Variants in IAH1 observed in about 807,000 individuals in gnomAD.
The protein encoded by IAH1 is isoamyl acetate hydrolyzing esterase 1 (putative).
IAH1 carries 24 observed loss-of-function variants against 26.7 expected under a neutral mutation model. That is an observed-to-expected ratio of 0.90 (90% CI 0.65 to 1.26). The LOEUF (loss-of-function observed/expected upper bound fraction) is 1.26. Ranked by LOEUF, IAH1 falls within the 50% of genes most tolerant of loss-of-function variation. The pLI is 0.00. For missense variants in IAH1, 300 were observed against 299.9 expected (o/e 1.00, Z 0.00); for synonymous variants, 140 against 118.5 (o/e 1.18, Z -1.18).
intron 6 of IAH1, among the ~76,000 whole-genome samples, chr2:9,495,112 C>A (rs1662472338): frequency 6.6e-6 from 1 of 152,242 alleles, no homozygotes; most frequent in African/African-American, 2.4e-5. Flanking sequence ...ACCCTGCTGA[C>A]TTCAATCCTT....
chr2:9,477,608 G>GC (rs1477141940), intron 2 of IAH1, among the ~76,000 whole-genome samples: 1 of 151,298 alleles, frequency 6.6e-6, no homozygotes, highest in African/African-American at 2.4e-5. Flanking sequence ...AGCACAGCGT[G>GC]CCCAGGGTCA....
intron 1 of IAH1, 26 bp from the exon 2 acceptor site, chr2:9,475,946 TTACAGTCATTAGTAG>T (rs1329188529): frequency 6.3e-7 from 1 of 1,579,666 alleles, no homozygotes; most frequent in Admixed American, 1.7e-5. Flanking sequence ...AGATGCCCGG[TTACAGTCATTAGTAG>T]TAATAATGGG....
chr2:9,507,500 C>CA, the IAH1 span, among the ~76,000 whole-genome samples: 1 of 151,934 alleles, frequency 6.6e-6, no homozygotes, highest in Admixed American at 6.6e-5. Flanking sequence ...AGACTCCACT[C>CA]AAAAAATCAT....
the IAH1 span, chr2:9,510,133 T>A: frequency 6.2e-7 from 1 of 1,614,054 alleles, no homozygotes; most frequent in South Asian, 1.1e-5. Context: ...GTCAGCTTCC[T>A]TAAGGATCAT....
chr2:9,490,917 A>T (rs1332127163), downstream of IAH1, among the ~76,000 whole-genome samples: 2 of 152,212 alleles, frequency 1.3e-5, no homozygotes, highest in Admixed American at 1.3e-4. Context: ...ATGTCCATCC[A>T]TGCAACTAAT....
intron 5 of IAH1, among the ~76,000 whole-genome samples, chr2:9,487,829 T>TGC (rs1480132308): frequency 5.5e-4 from 43 of 78,878 alleles, no homozygotes; most frequent in Admixed American, 1.6e-3. Context: ...TGTGTGTGTG[T>TGC]GTGTGCGCGC....
At chr2:9,487,831 T>TGTGCGC (rs769673968) in intron 5 of IAH1, among the ~76,000 whole-genome samples, 4 of 80,172 alleles carry the variant, frequency 5.0e-5, no homozygotes, top group Non-Finnish European at 8.4e-5. Context: ...TGTGTGTGTG[T>TGTGCGC]GTGCGCGCGC....
upstream of IAH1, chr2:9,473,830 C>T (rs1412173470): frequency 1.3e-5 from 2 of 152,264 alleles, no homozygotes; most frequent in Non-Finnish European, 2.9e-5. Context: ...TCTACAGCTC[C>T]GTGATTTCAA....
downstream of IAH1, among the ~76,000 whole-genome samples, chr2:9,494,213 T>G (rs560533182): frequency 6.6e-6 from 1 of 152,108 alleles, no homozygotes; most frequent in Non-Finnish European, 1.5e-5. Flanking sequence ...AAATTATGCT[T>G]CTCTAGAGAA....
downstream of IAH1, among the ~76,000 whole-genome samples, chr2:9,491,838 G>T (rs1383540990): frequency 6.6e-6 from 1 of 152,174 alleles, no homozygotes; most frequent in East Asian, 1.9e-4. Context: ...CCTATCGGAG[G>T]CTTTGCTCTG....
At chr2:9,490,550 GAA>G, downstream of IAH1, 1 of 1,580,518 alleles carries the variant, frequency 6.3e-7, no homozygotes, top group East Asian at 2.3e-5. Flanking sequence ...TGATTGATAG[GAA>G]TAAAAGATGA....
chr2:9,481,661 T>A (rs925781771), intron 4 of IAH1, among the ~76,000 whole-genome samples: 7 of 152,134 alleles, frequency 4.6e-5, no homozygotes, highest in Non-Finnish European at 8.8e-5. Flanking sequence ...TGGCTTTGGA[T>A]AGTCAGGAGG....
intron 4 of IAH1, among the ~76,000 whole-genome samples, chr2:9,482,654 T>G (rs896712424): frequency 6.6e-6 from 1 of 152,230 alleles, no homozygotes; most frequent in Admixed American, 6.5e-5. Context: ...GCTCAAGTCC[T>G]TACTGTTGTA....
chr2:9,479,958 G>A (rs1220667259), intron 3 of IAH1, among the ~76,000 whole-genome samples: 3 of 151,442 alleles, frequency 2.0e-5, no homozygotes, highest in Non-Finnish European at 2.9e-5. Flanking sequence ...ATAGGCGCTC[G>A]CCACCACGCC....
chr2:9,499,096 T>C (rs1025626367), downstream of IAH1, among the ~76,000 whole-genome samples: 8 of 130,866 alleles, frequency 6.1e-5, no homozygotes, highest in Admixed American at 2.3e-4. Flanking sequence ...TGCTAATTGC[T>C]TTTTTTCTTT....
intron 4 of IAH1, 45 bp from the exon 5 acceptor site, chr2:9,484,387 C>A: frequency 7.1e-7 from 1 of 1,413,334 alleles, no homozygotes; most frequent in Non-Finnish European, 1.0e-6. Context: ...CAAGGGCCAG[C>A]ACTTGGGTTT....
chr2:9,479,610 ATACT>A (rs1196631525), intron 3 of IAH1, among the ~76,000 whole-genome samples: 1 of 152,166 alleles, frequency 6.6e-6, no homozygotes. Context: ...TGAAGCAGTA[ATACT>A]TACAGCTGAC....
chr2:9,475,070 T>G (rs1682402484), intron 1 of IAH1: 9 of 1,198,628 alleles, frequency 7.5e-6, no homozygotes, highest in Admixed American at 2.8e-5. Context: ...CGCCAGGAGC[T>G]CTCTCGCCCC....
rs373001388 is a variant in IAH1 at position 9,481,335 on chromosome 2, A to G, written c.333A>G (p.Leu111=). 7.4e-6 allele frequency: 12 copies of G among 1,614,060 alleles called. No individual in the cohort carries two copies. The highest frequency in any genetic ancestry group is 1.0e-5 in the Non-Finnish European group (12 of 1,180,042). ...CCCTGGAGGAGTACGCTGCGAACCT[A>G]AAGAGCATGGTGCAGTACCTGAAGT... The part of the protein sequence containing the change: ...HIPLEEYAAN[L]KSMVQYLKSV... Residue 111 remains leucine, a synonymous_variant, in exon 4 of 6, where the codon CTA becomes CTG. Coordinates refer to ENST00000497473, the MANE Select transcript of IAH1 (RefSeq NM_001039613.3).
Sources: gnomAD v4.1 joint callset for allele counts (sites outside exome capture counted in the v4.1 genomes callset) on GRCh38, gnomAD v4.1.1 for gene constraint, MANE v1.5 for transcripts, NCBI Gene and HGNC (gene_info 2026-07-23, HGNC 2026-07-21) for gene names.